The following MMP26 variants were observed in gnomAD, a reference collection of about 807,000 sequenced individuals.
MMP26 encodes matrix metalloproteinase-26.
Under a neutral mutation model 31.0 loss-of-function variants are expected in MMP26, and 33 were observed. That is an observed-to-expected ratio of 1.06 (90% CI 0.81 to 1.42). MMP26 has a LOEUF of 1.42. Ranked by LOEUF, MMP26 falls within the 40% of genes most tolerant of loss-of-function variation. The pLI is 0.00. For missense variants in MMP26, 347 were observed against 316.1 expected (o/e 1.10, Z -0.74); for synonymous variants, 122 against 114.9 (o/e 1.06, Z -0.40).
intron 2 of MMP26, among the ~76,000 whole-genome samples, chr11:4,841,951 C>A (rs534264455): frequency 4.6e-5 from 7 of 152,180 alleles, no homozygotes; most frequent in African/African-American, 1.7e-4. Context: ...GTTCTTTAAT[C>A]TGAAAGAACA....
rs562947850 is a variant in MMP26, at chr11:4,969,813, A to G, written c.-144-18255A>G. Among the ~76,000 whole-genome samples the G allele has an allele frequency of 3.3e-5, 5 of 152,256 alleles. No homozygotes were observed. In the South Asian group the frequency reaches 1.0e-3, roughly 32 times the overall value. On this transcript the variant is annotated intron_variant, in intron 2 of 7. Transcript: ENST00000380390. ...TAATGCTGATAACTCAGAAGATACAAGGGTTTTTATTAAGCAAACGTTATT... is the reference window on the plus strand; with the variant it reads ...TAATGCTGATAACTCAGAAGATACAGGGGTTTTTATTAAGCAAACGTTATT...
Position 4,947,375 on chromosome 11 carries a change from G to A in MMP26, c.-144-40693G>A, listed in dbSNP as rs1414078989. Among the ~76,000 whole-genome samples the A allele has an allele frequency of 1.6e-5, 2 of 124,792 alleles. 1 individual carries two copies. Among genetic ancestry groups the A allele is most frequent in the Non-Finnish European group, 3.6e-5 (2 of 55,074 alleles). 81.9% of individuals were successfully genotyped at this position (124,792 alleles called of 152,430 possible). Reference sequence around the variant, plus strand: ...AGATTTAAATTTTGTATTTAGTTACGCATCTGATTTCATTTTTTCCTGTAA... The same window carrying A: ...AGATTTAAATTTTGTATTTAGTTACACATCTGATTTCATTTTTTCCTGTAA... On this transcript the variant is annotated intron_variant, in intron 2 of 7. Coordinates refer to ENST00000380390, the MANE Select transcript of MMP26 (RefSeq NM_021801.5).
chr11:4,753,476 G>C (rs548575597), intron 1 of MMP26, among the ~76,000 whole-genome samples: 1 of 152,126 alleles, frequency 6.6e-6, no homozygotes, highest in South Asian at 2.1e-4. Flanking sequence ...CCTTCAACTG[G>C]ATTATGAGAA....
chr11:4,836,057 A>G (rs182673578), intron 2 of MMP26, among the ~76,000 whole-genome samples: 310 of 152,178 alleles, frequency 2.0e-3, no homozygotes, highest in African/African-American at 7.0e-3. Flanking sequence ...TGAAACACTT[A>G]TACACTCTTG....
At chr11:4,898,666 C>T (rs547744458) in intron 2 of MMP26, among the ~76,000 whole-genome samples, 4 of 152,196 alleles carry the variant, frequency 2.6e-5, no homozygotes, top group Middle Eastern at 3.4e-3. Flanking sequence ...CATTATTTAT[C>T]TTCCTCAAAA....
chr11:4,838,423 T>C (rs924662315), intron 2 of MMP26, among the ~76,000 whole-genome samples: 1 of 146,732 alleles, frequency 6.8e-6, no homozygotes, highest in Non-Finnish European at 1.5e-5. Flanking sequence ...ACTTTTAACA[T>C]GTAAATCCTT....
In MMP26 at chr11:4,990,739, G is replaced by T; in HGVS notation, c.462G>T (p.Trp154Cys). The T allele has an allele frequency of 6.2e-7, 1 of 1,613,980 alleles. No individual in the cohort carries two copies. Among genetic ancestry groups the T allele is most frequent in the Non-Finnish European group, 8.5e-7 (1 of 1,179,938 alleles). The change falls in exon 5 of 8, where the codon TGG becomes TGT. Residue 154 changes from tryptophan (W) to cysteine (C), a missense_variant. By Grantham distance (215) the Trp-to-Cys change is radical. Transcript: ENST00000380390. ...NGDADIKVSF[W>C]QWAHEDGWPF... ...ATGCAGACATCAAGGTTTCTTTCTGGCAGTGGGGTAAGAAATTGACATGGG... is the reference window on the plus strand; with the variant it reads ...ATGCAGACATCAAGGTTTCTTTCTGTCAGTGGGGTAAGAAATTGACATGGG...
At chr11:4,706,184 T>C (rs1189803462) in intron 1 of MMP26, among the ~76,000 whole-genome samples, 2 of 152,176 alleles carry the variant, frequency 1.3e-5, no homozygotes, top group Non-Finnish European at 2.9e-5. Context: ...ACTAATTTTA[T>C]TAGAGAGAAA....
At chr11:4,763,639 G>A (rs1362632984) in intron 1 of MMP26, among the ~76,000 whole-genome samples, 1 of 152,162 alleles carries the variant, frequency 6.6e-6, no homozygotes, top group Admixed American at 6.5e-5. Flanking sequence ...ATTTTCATAT[G>A]TTATAGTGTT....
chr11:4,843,443 C>T (rs922955192), intron 2 of MMP26, among the ~76,000 whole-genome samples: 2 of 152,246 alleles, frequency 1.3e-5, no homozygotes, highest in Non-Finnish European at 2.9e-5. Context: ...AGGCCCAATA[C>T]CACATGGAAG....
At chr11:4,858,869 CAG>C (rs1850099162) in intron 2 of MMP26, among the ~76,000 whole-genome samples, 1 of 152,180 alleles carries the variant, frequency 6.6e-6, no homozygotes, top group Admixed American at 6.5e-5. Context: ...GGTACCAAAA[CAG>C]AGATCTAGAC....
In MMP26 at chr11:4,882,173, C is replaced by T. The variant is rs747447137; in HGVS notation, c.-144-105895C>T. On this transcript the variant is annotated intron_variant, in intron 2 of 7. Coordinates refer to ENST00000380390, the MANE Select transcript of MMP26 (RefSeq NM_021801.5). ...GCTTGGTGTTCTCTGGTTTCATGCC[C>T]GGGAGATCAGCTTTAAAGCTTGCTT... The T allele has an allele frequency of 1.8e-5, 29 of 1,613,858 alleles. No homozygotes were observed. The African/African-American group carries it at 2.9e-4, about 16-fold the overall frequency.
intron 2 of MMP26, among the ~76,000 whole-genome samples, chr11:4,776,860 A>C (rs1468735057): frequency 6.6e-6 from 1 of 152,056 alleles, no homozygotes; most frequent in East Asian, 1.9e-4. Context: ...AGTTCACTAA[A>C]TCTCTTTTCT....
At chr11:4,854,699 G>A (rs1442404943) in intron 2 of MMP26, among the ~76,000 whole-genome samples, 1 of 152,234 alleles carries the variant, frequency 6.6e-6, no homozygotes, top group Non-Finnish European at 1.5e-5. Context: ...CTGTTTGACA[G>A]CTTTGAAGAG....
chr11:4,929,970 T>C (rs948726945), intron 2 of MMP26, among the ~76,000 whole-genome samples: 13 of 152,112 alleles, frequency 8.5e-5, no homozygotes, highest in Non-Finnish European at 1.9e-4. Context: ...TCAATGTTCT[T>C]GTAAAATTGA....
intron 2 of MMP26, among the ~76,000 whole-genome samples, chr11:4,954,599 C>T (rs1436754479): frequency 8.0e-6 from 1 of 124,520 alleles, no homozygotes; most frequent in East Asian, 2.3e-4. Flanking sequence ...CATAAGGCAA[C>T]GTACTTCCTG....
intron 2 of MMP26, among the ~76,000 whole-genome samples, chr11:4,923,106 CTG>C: frequency 6.6e-6 from 1 of 152,294 alleles, no homozygotes; most frequent in Admixed American, 6.5e-5. Flanking sequence ...TTGCCAGACA[CTG>C]TGTTAGAAAA....
At chr11:4,792,186 C>CAAA (rs35035436) in intron 2 of MMP26, among the ~76,000 whole-genome samples, 5 of 137,844 alleles carry the variant, frequency 3.6e-5, no homozygotes, top group African/African-American at 1.3e-4. Flanking sequence ...GTGTTTGACT[C>CAAA]AAAAAAAAAA....
At position 4,882,250 on chromosome 11, in the gene MMP26, G is replaced by C. The variant is rs556498796; in HGVS notation, c.-144-105818G>C. ...TCTCCTTGCTGGAGTCCTCGGTGCT[G>C]GTAGCCATGGCCTTTGACCGCTTCG... On this transcript the variant is annotated intron_variant, in intron 2 of 7. Coordinates refer to ENST00000380390, the MANE Select transcript of MMP26 (RefSeq NM_021801.5). 1.2e-5 allele frequency: 20 copies of C among 1,613,820 alleles called. No homozygotes were observed. In the East Asian group the frequency reaches 4.2e-4, roughly 34 times the overall value.
Sources: allele counts gnomAD v4.1 joint callset (sites outside exome capture counted in the v4.1 genomes callset), GRCh38; gene constraint gnomAD v4.1.1; transcripts MANE v1.5; gene names NCBI Gene and HGNC (gene_info 2026-07-23, HGNC 2026-07-21).